Variants in ADCY3 observed in about 807,000 individuals in gnomAD.
ADCY3 encodes adenylate cyclase 3.
Under a neutral mutation model 119.4 loss-of-function variants are expected in ADCY3, and 70 were observed. The ratio of observed to expected loss-of-function variants is 0.59; its 90% CI spans 0.48 to 0.72. ADCY3 has a LOEUF of 0.72. ADCY3 is among the 30% of genes least tolerant of loss of function. The probability of loss-of-function intolerance (pLI) is 0.00; values close to 1 mark genes in which losing one functional copy is unlikely to be tolerated. For missense variants in ADCY3, 1,238 were observed against 1,541.6 expected, an observed-to-expected ratio of 0.80 and a Z score of 3.30; for synonymous variants, 672 against 621.4, an observed-to-expected ratio of 1.08 and a Z score of -1.21.
chr2:24,907,613 A>C (rs1306236815), intron 2 of ADCY3, among the ~76,000 whole-genome samples: 1 of 152,206 alleles, frequency 6.6e-6, no homozygotes, highest in Non-Finnish European at 1.5e-5. Flanking sequence ...GAAAATGGCA[A>C]GGAGGGGAAA....
In ADCY3 at chr2:24,883,357, A is replaced by T. The variant is rs199900070; in HGVS notation, c.676-10638T>A. 2.4e-4 allele frequency among the ~76,000 whole-genome samples: 9 copies of T among 37,866 alleles called. No homozygotes were observed. In the African/African-American group the frequency reaches 3.6e-3, roughly 15 times the overall value. The allele number at this position is 37,866 out of a possible 152,430, so 24.8% of individuals were successfully genotyped here. A position where few individuals can be genotyped will look rare whatever the true frequency, so the allele number is the denominator to read the frequency against. On this transcript the variant is annotated intron_variant, in intron 2 of 21. Transcript: ENST00000679454. ...AGAGAGACTCTGTCTCAAAAAAAAT[A>T]AAAAAAAGAAGCTAGCAGTGAACAG...
At chr2:24,860,512 G>A (rs1296589322) in intron 3 of ADCY3, among the ~76,000 whole-genome samples, 1 of 152,190 alleles carries the variant, frequency 6.6e-6, no homozygotes, top group Non-Finnish European at 1.5e-5. Flanking sequence ...AAGGCCTCAG[G>A]GCAGGGCAGG....
At chr2:24,831,952 G>GC (rs1219185567) in intron 11 of ADCY3, among the ~76,000 whole-genome samples, 2 of 136,956 alleles carry the variant, frequency 1.5e-5, no homozygotes, top group Non-Finnish European at 3.2e-5. Flanking sequence ...ACAGCAGACA[G>GC]GGGCAGGGGC....
intron 21 of ADCY3, 175 bp from the exon 22 acceptor site, chr2:24,820,289 A>G: frequency 1.6e-6 from 2 of 1,284,794 alleles, no homozygotes; most frequent in Non-Finnish European, 2.0e-6. Context: ...AGCGGGTGGG[A>G]AGGAGAACCC....
intron 3 of ADCY3, among the ~76,000 whole-genome samples, chr2:24,865,919 A>T (rs1674229878): frequency 6.6e-6 from 1 of 152,148 alleles, no homozygotes; most frequent in Non-Finnish European, 1.5e-5. Context: ...GAGAGAGAGC[A>T]ATGATGAGGG....
intron 9 of ADCY3, among the ~76,000 whole-genome samples, chr2:24,835,161 C>T (rs1398351001): frequency 2.0e-5 from 3 of 152,172 alleles, no homozygotes; most frequent in Non-Finnish European, 4.4e-5. Flanking sequence ...GCTCCCCGGG[C>T]CCCCCACCCA....
Position 24,841,191 on chromosome 2 carries a change from G to A in ADCY3, c.1196+68C>T. 1 of 1,479,020 alleles carries A rather than the reference G, an allele frequency of 6.8e-7. No homozygotes were observed. The highest frequency in any genetic ancestry group is 9.0e-7 in the Non-Finnish European group (1 of 1,112,208). 91.6% of individuals were successfully genotyped at this position (1,479,020 alleles called of 1,614,324 possible). On this transcript the variant is annotated intron_variant, in intron 6 of 21. Transcript: ENST00000679454. The surrounding 1 kb of genome is among the most constrained non-coding windows in gnomAD (Gnocchi z 5.8). Reference sequence around the variant, plus strand: ...GGGCCATGGCCAGCGCGGAAGACCTGCTTCTCCCTGGGTCCAGGGCCGGGG... The same window carrying A: ...GGGCCATGGCCAGCGCGGAAGACCTACTTCTCCCTGGGTCCAGGGCCGGGG...
chr2:24,822,088 G>A (rs17799872), intron 19 of ADCY3: 12,711 of 189,014 alleles, frequency 0.067, 485 homozygotes, highest in Non-Finnish European at 0.077. Context: ...TAAGACCAGA[G>A]CTTGGGACCA....
chr2:24,880,350 G>A (rs1003216509), intron 2 of ADCY3, among the ~76,000 whole-genome samples: 1 of 152,086 alleles, frequency 6.6e-6, no homozygotes, highest in African/African-American at 2.4e-5. Context: ...GGAACATGGC[G>A]GCCTTGGCCC....
chr2:24,820,479 G>A (rs1667447229), intron 21 of ADCY3: 2 of 1,393,280 alleles, frequency 1.4e-6, no homozygotes, highest in South Asian at 1.6e-5. Flanking sequence ...GTATTAGAAG[G>A]TTCATACCCA....
At chr2:24,849,942 C>A (rs572990982) in intron 3 of ADCY3, among the ~76,000 whole-genome samples, 40 of 152,280 alleles carry the variant, frequency 2.6e-4, no homozygotes, top group Admixed American at 7.2e-4. Flanking sequence ...TTGCCCAGCA[C>A]CCTCAGTGGT....
intron 2 of ADCY3, among the ~76,000 whole-genome samples, chr2:24,911,372 C>T (rs950779471): frequency 2.6e-5 from 4 of 151,416 alleles, no homozygotes; most frequent in Non-Finnish European, 4.4e-5. Flanking sequence ...TCAGCCTGGG[C>T]GCTGTGGTTC....
rs1328299763 is a variant in ADCY3, at chr2:24,834,821, G to A, written c.1778C>T (p.Ala593Val). Residue 593 changes from alanine to valine, a missense_variant, in exon 10 of 22, where the codon GCC (alanine) becomes GTC (valine). Ala to Val is a moderately conservative substitution (Grantham distance 64). Coordinates refer to ENST00000679454, the MANE Select transcript of ADCY3 (RefSeq NM_004036.5). The surrounding 1 kb of genome is among the most constrained non-coding windows in gnomAD (Gnocchi z 4.2). The stretch of plus-strand genomic sequence containing the variant: ...TTGGGCGGACTCTCGCTCAAGCAGG[G>A]CCTCGTTGAGCAGCTGGTTGAGCTC... The part of the protein sequence containing the change: ...EHELNQLLNE[A>V]LLERESAQVV... 3.1e-6 allele frequency: 5 copies of A among 1,613,922 alleles called. No homozygotes were observed. The South Asian group carries it at 4.4e-5, about 14-fold the overall frequency.
intron 15 of ADCY3, 196 bp from the exon 16 acceptor site, chr2:24,826,322 G>A (rs1329201798): frequency 8.8e-6 from 5 of 568,206 alleles, no homozygotes; most frequent in Non-Finnish European, 1.6e-5. Context: ...CTCTCCAACA[G>A]CCAGGCAACC....
intron 3 of ADCY3, among the ~76,000 whole-genome samples, chr2:24,858,886 C>T (rs1002591731): frequency 6.6e-6 from 1 of 152,358 alleles, no homozygotes; most frequent in African/African-American, 2.4e-5. Flanking sequence ...GAACCCACCA[C>T]TGCTTTAGGA....
chr2:24,886,341 C>A (rs1250905743), intron 2 of ADCY3, among the ~76,000 whole-genome samples: 1 of 152,228 alleles, frequency 6.6e-6, no homozygotes, highest in Non-Finnish European at 1.5e-5. Context: ...TAGAATGCCC[C>A]TCCCCACCTG....
At chr2:24,882,202 A>G (rs1014111598) in intron 2 of ADCY3, among the ~76,000 whole-genome samples, 27 of 152,172 alleles carry the variant, frequency 1.8e-4, no homozygotes, top group Admixed American at 6.5e-5. Context: ...CAGAAGGCCC[A>G]CGTTTCAGGG....
In ADCY3 at chr2:24,918,381, A is replaced by G. The variant is rs182934631; in HGVS notation, c.607T>C (p.Leu203=). 6.2e-7 allele frequency: 1 copy of G among 1,612,374 alleles called. No homozygotes were observed. Among genetic ancestry groups the G allele is most frequent in the East Asian group, 2.2e-5 (1 of 44,848 alleles). The change falls in exon 2 of 22, where the codon TTG becomes CTG. Residue 203 remains leucine, a synonymous_variant. Coordinates refer to ENST00000679454, the MANE Select transcript of ADCY3 (RefSeq NM_004036.5). The surrounding 1 kb of genome is among the most constrained non-coding windows in gnomAD (Gnocchi z 5.4). ...TGGGCCACGGTGACCCCCAGGACCA[A>G]CGTGTGCACCACACAGGAGACCACG... is the stretch of plus-strand genomic sequence containing the variant. ...ISVVSCVVHT[L]VLGVTVAQQQ... is the part of the protein sequence containing the mutation.
In ADCY3 at chr2:24,896,876, C is replaced by G. The variant is rs527942206; in HGVS notation, c.675+21437G>C. Among the ~76,000 whole-genome samples the G allele has an allele frequency of 6.2e-4, 95 of 152,268 alleles. 1 individual carries two copies. The highest frequency in any genetic ancestry group is 2.2e-3 in the African/African-American group (92 of 41,570). On this transcript the variant is annotated intron_variant, in intron 2 of 21. Transcript: ENST00000679454. ...TCTCGCCAGTCTCCGTTTGGGTTCT[C>G]CCTCCCTGTGGTAGAATTCTCTTCA...
Sources: allele counts gnomAD v4.1 joint callset (sites outside exome capture counted in the v4.1 genomes callset), GRCh38; gene constraint gnomAD v4.1.1; non-coding constraint Gnocchi (gnomAD v3.1); transcripts MANE v1.5; gene names NCBI Gene and HGNC (gene_info 2026-07-23, HGNC 2026-07-21).